Variants in RNF180 observed in about 807,000 individuals in gnomAD.
The protein encoded by RNF180 is E3 ubiquitin-protein ligase RNF180.
Under a neutral mutation model 59.2 loss-of-function variants are expected in RNF180, and 38 were observed. The ratio of observed to expected loss-of-function variants is 0.64; its 90% CI spans 0.50 to 0.84. The LOEUF is 0.84. RNF180 is among the 40% of genes least tolerant of loss of function. RNF180 has a pLI of 0.00. For missense variants in RNF180, 705 were observed against 700.9 expected (o/e 1.01, Z -0.07); for synonymous variants, 262 against 240.3 (o/e 1.09, Z -0.84).
chr5:64,351,169 C>A (rs1209309094), intron 7 of RNF180, among the ~76,000 whole-genome samples: 2 of 152,024 alleles, frequency 1.3e-5, no homozygotes, highest in Admixed American at 1.3e-4. Flanking sequence ...CTCTTTGAAG[C>A]AATTGTGAAT....
chr5:64,275,051 A>C (rs1741638481), intron 5 of RNF180, among the ~76,000 whole-genome samples: 1 of 151,916 alleles, frequency 6.6e-6, no homozygotes, highest in Admixed American at 6.6e-5. Flanking sequence ...GTATAAATGC[A>C]CATTTGAAGC....
At chr5:64,237,649 G>A (rs760092798) in intron 5 of RNF180, among the ~76,000 whole-genome samples, 3 of 152,126 alleles carry the variant, frequency 2.0e-5, no homozygotes, top group African/African-American at 2.4e-5. Flanking sequence ...TGGTTTGGCC[G>A]TGTGTCCCCA....
intron 5 of RNF180, among the ~76,000 whole-genome samples, chr5:64,324,507 C>CGTT (rs1225620348): frequency 6.6e-6 from 1 of 152,164 alleles, no homozygotes; most frequent in African/African-American, 2.4e-5. Flanking sequence ...TTCTCATCAT[C>CGTT]GTTATAACAA....
At chr5:64,246,770 C>T (rs1452800304) in intron 5 of RNF180, among the ~76,000 whole-genome samples, 2 of 152,178 alleles carry the variant, frequency 1.3e-5, no homozygotes, top group Non-Finnish European at 2.9e-5. Flanking sequence ...ATGGGGCCAG[C>T]ATAATCCTGA....
At chr5:64,198,629 T>C (rs1351356823) in intron 1 of RNF180, among the ~76,000 whole-genome samples, 1 of 152,106 alleles carries the variant, frequency 6.6e-6, no homozygotes, top group East Asian at 1.9e-4. Flanking sequence ...GTAGAGTTTC[T>C]CCATACTTGA....
At chr5:64,302,854 A>C (rs574269072) in intron 5 of RNF180, among the ~76,000 whole-genome samples, 13 of 151,766 alleles carry the variant, frequency 8.6e-5, no homozygotes, top group African/African-American at 2.9e-4. Context: ...TATGAAGAGA[A>C]TATAACAAAG....
At chr5:64,365,443 T>C (rs992597486) in intron 7 of RNF180, among the ~76,000 whole-genome samples, 3 of 151,908 alleles carry the variant, frequency 2.0e-5, no homozygotes, top group Non-Finnish European at 4.4e-5. Context: ...TTAGAGTATA[T>C]GCCATGTGGC....
intron 2 of RNF180, among the ~76,000 whole-genome samples, chr5:64,208,163 A>G (rs1752118922): frequency 6.6e-6 from 1 of 152,110 alleles, no homozygotes; most frequent in Admixed American, 6.6e-5. Context: ...AATTAAAATA[A>G]TACATTGGCT....
intron 5 of RNF180, among the ~76,000 whole-genome samples, chr5:64,251,941 A>G (rs1289724078): frequency 6.6e-6 from 1 of 152,164 alleles, no homozygotes; most frequent in African/African-American, 2.4e-5. Context: ...AATTGGAGAA[A>G]AAGACAAATA....
At chr5:64,313,457 T>C (rs1302897966) in intron 5 of RNF180, among the ~76,000 whole-genome samples, 2 of 152,138 alleles carry the variant, frequency 1.3e-5, no homozygotes, top group African/African-American at 4.8e-5. Flanking sequence ...GGCTTCCAGC[T>C]CCATCCACGT....
At chr5:64,180,524 T>A (rs1335942156) in intron 1 of RNF180, among the ~76,000 whole-genome samples, 2 of 152,150 alleles carry the variant, frequency 1.3e-5, no homozygotes, top group Non-Finnish European at 2.9e-5. Flanking sequence ...AGATGTAGAA[T>A]AAAATCAAAA....
intron 5 of RNF180, among the ~76,000 whole-genome samples, chr5:64,230,758 C>T (rs530310051): frequency 1.3e-5 from 2 of 152,192 alleles, no homozygotes; most frequent in Non-Finnish European, 2.9e-5. Flanking sequence ...TCAGGCCAAC[C>T]TTGAAAGAGA....
chr5:64,272,704 TAGAA>T (rs1741482720), intron 5 of RNF180, among the ~76,000 whole-genome samples: 1 of 151,982 alleles, frequency 6.6e-6, no homozygotes, highest in Non-Finnish European at 1.5e-5. Context: ...GTTATAAACG[TAGAA>T]AGACAGGAAT....
intron 1 of RNF180, among the ~76,000 whole-genome samples, chr5:64,197,241 G>A (rs972130233): frequency 2.0e-5 from 3 of 152,168 alleles, no homozygotes; most frequent in South Asian, 2.1e-4. Context: ...CTCATCTTTC[G>A]TTCCTAAGTA....
chr5:64,360,265 C>G (rs1344754888), intron 7 of RNF180, among the ~76,000 whole-genome samples: 1 of 149,978 alleles, frequency 6.7e-6, no homozygotes, highest in East Asian at 2.0e-4. Context: ...TCAATATACG[C>G]AAATCAATAA....
chr5:64,181,810 A>T (rs2111949418), intron 1 of RNF180, among the ~76,000 whole-genome samples: 1 of 152,284 alleles, frequency 6.6e-6, no homozygotes, highest in East Asian at 1.9e-4. Flanking sequence ...ATAAAACATT[A>T]ATTTCAGTAA....
At chr5:64,170,781 G>C (rs904634940) in intron 1 of RNF180, among the ~76,000 whole-genome samples, 1 of 152,158 alleles carries the variant, frequency 6.6e-6, no homozygotes, top group Non-Finnish European at 1.5e-5. Flanking sequence ...TGTGAATCCA[G>C]GGGTCAACAC....
intron 1 of RNF180, among the ~76,000 whole-genome samples, chr5:64,190,795 C>T (rs1282398772): frequency 6.6e-6 from 1 of 152,160 alleles, no homozygotes; most frequent in Non-Finnish European, 1.5e-5. Context: ...TGGCTGTCTG[C>T]AAGCCAAAAT....
At position 64,292,788 on chromosome 5, in the gene RNF180, A is replaced by G. The variant is rs192778161; in HGVS notation, c.1228-32398A>G. On this transcript the variant is annotated intron_variant, in intron 5 of 7. Coordinates refer to ENST00000389100, the MANE Select transcript of RNF180 (RefSeq NM_001113561.2). ...CCTCCCCCATGGGGCTTCATTCCATAGGGAGATCAGAGTTCTGTCCATATA... is the reference window on the plus strand; with the variant it reads ...CCTCCCCCATGGGGCTTCATTCCATGGGGAGATCAGAGTTCTGTCCATATA... Among the ~76,000 whole-genome samples the G allele has an allele frequency of 2.5e-4, 38 of 152,260 alleles. No individual in the cohort carries two copies. In the East Asian group the frequency reaches 6.0e-3, roughly 24 times the overall value.
Sources: allele counts gnomAD v4.1 joint callset (sites outside exome capture counted in the v4.1 genomes callset), GRCh38; gene constraint gnomAD v4.1.1; transcripts MANE v1.5; gene names NCBI Gene and HGNC (gene_info 2026-07-23, HGNC 2026-07-21).